DNAAF9: variants seen among roughly 807,000 people sequenced by gnomAD.
DNAAF9 encodes the protein shulin.
A neutral mutation model predicts 167.0 loss-of-function variants in DNAAF9; 90 were observed. The ratio of observed to expected loss-of-function variants is 0.54; its 90% CI spans 0.45 to 0.64. The LOEUF (loss-of-function observed/expected upper bound fraction) is 0.64, where lower values mean the gene tolerates loss of function less well. Ranked by LOEUF, DNAAF9 falls within the 30% of genes least tolerant of loss-of-function variation. The pLI is 0.00. For synonymous variants in DNAAF9, 491 were observed against 508.8 expected, an observed-to-expected ratio of 0.96 and a Z score of 0.47; for missense variants, 1,315 against 1,442.2, an observed-to-expected ratio of 0.91 and a Z score of 1.43.
chr20:3,274,175 C>T (rs2068640390), intron 29 of DNAAF9, among the ~76,000 whole-genome samples: 1 of 152,126 alleles, frequency 6.6e-6, no homozygotes, highest in South Asian at 2.1e-4. Flanking sequence ...CAGAGTCTCA[C>T]TGGGTCACCC....
intron 10 of DNAAF9, among the ~76,000 whole-genome samples, chr20:3,332,717 G>T (rs1357053151): frequency 1.3e-5 from 2 of 151,966 alleles, no homozygotes; most frequent in African/African-American, 4.8e-5. Context: ...GCTCGCCTTG[G>T]CCTCCCAAAG....
chr20:3,355,041 C>T (rs942392238), intron 7 of DNAAF9, among the ~76,000 whole-genome samples: 3 of 152,150 alleles, frequency 2.0e-5, no homozygotes, highest in Admixed American at 1.3e-4. Context: ...CAGTGCTATT[C>T]TGGCCTCTAT....
intron 1 of DNAAF9, among the ~76,000 whole-genome samples, chr20:3,405,208 G>A (rs1487580036): frequency 1.3e-5 from 2 of 152,204 alleles, no homozygotes; most frequent in Non-Finnish European, 2.9e-5. Flanking sequence ...CATGCTTAAA[G>A]AGAAGCCTCT....
At chr20:3,272,558 C>G (rs1173219281) in intron 29 of DNAAF9, among the ~76,000 whole-genome samples, 1 of 152,128 alleles carries the variant, frequency 6.6e-6, no homozygotes, top group Non-Finnish European at 1.5e-5. Flanking sequence ...CTCTAGTGGT[C>G]ACTTTTATAT....
rs1191339726 is a variant in DNAAF9 at position 3,407,540 on chromosome 20, CGGG to C, written c.15_17del (p.Pro6del). ...GAGCGCGGGGCAGCCCCTGCCGGCGCGGGGGGTACACGTCCATGGCGGCGGACG... is the reference window on the plus strand; with the variant it reads ...GAGCGCGGGGCAGCCCCTGCCGGCGCGGGTACACGTCCATGGCGGCGGACG... On this transcript the variant is annotated inframe_deletion, in exon 1 of 37. Transcript: ENST00000252032. 2.4e-6 allele frequency: 3 copies of C among 1,257,120 alleles called. No homozygotes were observed. The East Asian group carries it at 9.5e-5, about 40-fold the overall frequency. 77.9% of individuals were successfully genotyped at this position (1,257,120 alleles called of 1,614,324 possible). A position where few individuals can be genotyped will look rare whatever the true frequency, so the allele number is the denominator to read the frequency against.
intron 31 of DNAAF9, among the ~76,000 whole-genome samples, chr20:3,262,470 C>T (rs530370422): frequency 2.0e-5 from 3 of 152,034 alleles, no homozygotes; most frequent in Admixed American, 6.6e-5. Context: ...AGGCTGATCT[C>T]GAACTCCTGA....
At chr20:3,270,157 A>T (rs2068568263) in intron 30 of DNAAF9, among the ~76,000 whole-genome samples, 1 of 127,040 alleles carries the variant, frequency 7.9e-6, no homozygotes, top group African/African-American at 3.4e-5. Context: ...TTTTTTTTTA[A>T]AGAGATGGGG....
Position 3,315,184 on chromosome 20 carries a change from C to T in DNAAF9, c.1591-64G>A. The T allele has an allele frequency of 3.0e-6, 3 of 1,014,250 alleles. No homozygotes were observed. The highest frequency in any genetic ancestry group is 4.7e-6 in the Non-Finnish European group (3 of 637,850). The allele number at this position is 1,014,250 out of a possible 1,614,324, so 62.8% of individuals were successfully genotyped here. A position where few individuals can be genotyped will look rare whatever the true frequency, so the allele number is the denominator to read the frequency against. ...ATAGGTGATTTATAGCATAAATATT[C>T]ACAGAATCAAAAGTCCTGCCCAATT... is the stretch of plus-strand genomic sequence containing the variant. On this transcript the variant is annotated intron_variant, in intron 19 of 36. Coordinates refer to ENST00000252032, the MANE Select transcript of DNAAF9 (RefSeq NM_001009984.3). This position sits in a 1 kb window ranked among gnomAD's most constrained non-coding sequence, Gnocchi z 4.1.
chr20:3,290,273 AG>A (rs1314238174), intron 25 of DNAAF9, 56 bp from the exon 26 acceptor site: 4 of 1,107,154 alleles, frequency 3.6e-6, no homozygotes, highest in Non-Finnish European at 5.6e-6. Flanking sequence ...TTATGTAAGA[AG>A]AGGTTAAGAG....
intron 30 of DNAAF9, among the ~76,000 whole-genome samples, chr20:3,270,084 T>G (rs1939776885): frequency 6.7e-6 from 1 of 149,544 alleles, no homozygotes; most frequent in Non-Finnish European, 1.5e-5. Flanking sequence ...TCCTCCCACC[T>G]CAGCCACCCA....
chr20:3,340,433 TCCCCCCACCCA>T, intron 10 of DNAAF9, 60 bp downstream of exon 10: 1 of 221,212 alleles, frequency 4.5e-6, no homozygotes. Context: ...TTTGTCTAGC[TCCCCCCACCCA>T]CCCCACCCCC....
In DNAAF9 at chr20:3,349,192, C is replaced by CAAAAAAAAAA. The variant is rs148023287; in HGVS notation, c.691-579_691-570dup. On this transcript the variant is annotated intron_variant, in intron 7 of 36. Coordinates refer to ENST00000252032, the MANE Select transcript of DNAAF9 (RefSeq NM_001009984.3). ...CAACATGATGAGACCTCGTCTCTAC[C>CAAAAAAAAAA]AAAAAAAAAAACAAAAAAAAAAAAA... Among the ~76,000 whole-genome samples, 32 of 39,100 alleles carry CAAAAAAAAAA rather than the reference C, an allele frequency of 8.2e-4. 1 individual carries two copies. Among genetic ancestry groups the CAAAAAAAAAA allele is most frequent in the African/African-American group, 2.2e-3 (18 of 8,046 alleles). The allele number at this position is 39,100 out of a possible 152,430, so 25.7% of individuals were successfully genotyped here. A position where few individuals can be genotyped will look rare whatever the true frequency, so the allele number is the denominator to read the frequency against.
At chr20:3,330,202 T>C (rs1051174301) in intron 12 of DNAAF9, among the ~76,000 whole-genome samples, 2 of 152,160 alleles carry the variant, frequency 1.3e-5, no homozygotes, top group African/African-American at 4.8e-5. Flanking sequence ...TGAGAGAAAC[T>C]TGGGAAACAA....
At chr20:3,393,165 C>G (rs1029516654) in intron 1 of DNAAF9, among the ~76,000 whole-genome samples, 1 of 151,530 alleles carries the variant, frequency 6.6e-6, no homozygotes, top group Admixed American at 6.6e-5. Flanking sequence ...TGTTGAATAC[C>G]TTTTATTTAT....
At chr20:3,275,327 G>A (rs1225010505) in intron 29 of DNAAF9, among the ~76,000 whole-genome samples, 2 of 152,208 alleles carry the variant, frequency 1.3e-5, no homozygotes, top group African/African-American at 4.8e-5. Context: ...GACTCTGTTT[G>A]GTATCTTCTT....
At chr20:3,278,706 A>G (rs2122848817) in intron 29 of DNAAF9, among the ~76,000 whole-genome samples, 1 of 152,294 alleles carries the variant, frequency 6.6e-6, no homozygotes, top group East Asian at 1.9e-4. Flanking sequence ...GCGACAGAGT[A>G]AGACTCCGTC....
chr20:3,348,637 G>T lies in DNAAF9; in HGVS notation c.691-14C>A. 6.5e-7 allele frequency: 1 copy of T among 1,545,626 alleles called. No individual in the cohort carries two copies. The highest frequency in any genetic ancestry group is 1.4e-5 in the African/African-American group (1 of 72,974). On this transcript the variant is annotated splice_polypyrimidine_tract_variant and intron_variant, in intron 7 of 36. Transcript: ENST00000252032. ...AGCCACCAAATCCTGGGAAAAAAAG[G>T]AAAAAGATAACGTGTTTGGTCATAT...
chr20:3,327,697 T>C (rs1160653973), intron 12 of DNAAF9, among the ~76,000 whole-genome samples: 1 of 152,202 alleles, frequency 6.6e-6, no homozygotes, highest in African/African-American at 2.4e-5. Context: ...GTGGAATATG[T>C]TGTCTATTAA....
chr20:3,404,549 T>C (rs2084030595), intron 1 of DNAAF9, among the ~76,000 whole-genome samples: 1 of 152,198 alleles, frequency 6.6e-6, no homozygotes, highest in South Asian at 2.1e-4. Context: ...GGCCTTCTTG[T>C]ATTATTGTTC....
Sources: allele counts gnomAD v4.1 joint callset (sites outside exome capture counted in the v4.1 genomes callset), GRCh38; gene constraint gnomAD v4.1.1; non-coding constraint Gnocchi (gnomAD v3.1); transcripts MANE v1.5; gene names NCBI Gene and HGNC (gene_info 2026-07-23, HGNC 2026-07-21).